Variants in MAPKAP1 observed in about 807,000 individuals in gnomAD.
MAPKAP1 encodes the protein MAPK associated protein 1.
MAPKAP1 carries 20 observed loss-of-function variants against 65.7 expected under a neutral mutation model. That is an observed-to-expected ratio of 0.30 (90% CI 0.21 to 0.44). The LOEUF (loss-of-function observed/expected upper bound fraction) is 0.44, where lower values mean the gene tolerates loss of function less well. Among genes scored for constraint, MAPKAP1 ranks in the 20% least tolerant of loss-of-function variants. The probability of loss-of-function intolerance (pLI) is 1.00; values close to 1 mark genes in which losing one functional copy is unlikely to be tolerated. For synonymous variants in MAPKAP1, 222 were observed against 244.3 expected (o/e 0.91, Z 0.85); for missense variants, 423 against 648.0 (o/e 0.65, Z 3.77).
intron 10 of MAPKAP1, among the ~76,000 whole-genome samples, chr9:125,461,262 G>A (rs980836147): frequency 3.3e-5 from 5 of 152,286 alleles, no homozygotes; most frequent in South Asian, 2.1e-4. Flanking sequence ...CCTCCCACAC[G>A]CTTGGAAAAA....
At position 125,439,357 on chromosome 9, in the gene MAPKAP1, G is replaced by A. The variant is rs1034205946; in HGVS notation, c.1444-345C>T. On this transcript the variant is annotated intron_variant, in intron 11 of 11. Transcript: ENST00000265960. This position sits in a 1 kb window ranked among gnomAD's most constrained non-coding sequence, Gnocchi z 4.0. ...TGCCTGGCTATGCCTCCCACCTGCTGTGTGACCTGGACAAGCACATAACCT... is the reference window on the plus strand; with the variant it reads ...TGCCTGGCTATGCCTCCCACCTGCTATGTGACCTGGACAAGCACATAACCT... Among the ~76,000 whole-genome samples, 11 of 152,254 alleles carry A rather than the reference G, an allele frequency of 7.2e-5. No homozygotes were observed. The highest frequency in any genetic ancestry group is 2.7e-4 in the African/African-American group (11 of 41,476).
intron 5 of MAPKAP1, among the ~76,000 whole-genome samples, chr9:125,566,922 A>G (rs1831073114): frequency 6.6e-6 from 1 of 152,206 alleles, no homozygotes; most frequent in Non-Finnish European, 1.5e-5. Flanking sequence ...AGCCACCTCA[A>G]ACTAACAGGC....
intron 5 of MAPKAP1, among the ~76,000 whole-genome samples, chr9:125,570,921 A>T (rs1337350233): frequency 6.6e-6 from 1 of 151,016 alleles, no homozygotes; most frequent in Non-Finnish European, 1.5e-5. Context: ...CTGCTCTTTC[A>T]TAAAAAAAAA....
chr9:125,568,345 G>A (rs1009156741), intron 5 of MAPKAP1, among the ~76,000 whole-genome samples: 1 of 152,142 alleles, frequency 6.6e-6, no homozygotes, highest in African/African-American at 2.4e-5. Context: ...TGGGATATGA[G>A]GAGTTTTTTC....
At chr9:125,517,306 G>C (rs1829490953) in intron 7 of MAPKAP1, among the ~76,000 whole-genome samples, 1 of 152,134 alleles carries the variant, frequency 6.6e-6, no homozygotes, top group African/African-American at 2.4e-5. Context: ...TGATCTTGAG[G>C]GGGTCAAAAC....
intron 1 of MAPKAP1, among the ~76,000 whole-genome samples, chr9:125,682,959 CTTT>C (rs5900668): frequency 9.5e-5 from 13 of 137,540 alleles, no homozygotes; most frequent in Middle Eastern, 3.7e-3. Context: ...ATTTTAAATT[CTTT>C]TTTTTTTTTT....
chr9:125,532,885 G>C (rs999205944), intron 7 of MAPKAP1, among the ~76,000 whole-genome samples: 2 of 152,186 alleles, frequency 1.3e-5, no homozygotes, highest in Non-Finnish European at 1.5e-5. Context: ...CTAAAAATCT[G>C]TTTTTTAAAC....
intron 10 of MAPKAP1, among the ~76,000 whole-genome samples, chr9:125,444,952 T>C (rs1852649533): frequency 6.6e-6 from 1 of 152,160 alleles, no homozygotes; most frequent in Admixed American, 6.5e-5. Flanking sequence ...AAAAATAAAC[T>C]AACTGTTTAA....
In MAPKAP1 at chr9:125,466,745, G is replaced by A. The variant is rs555308758; in HGVS notation, c.1345+1227C>T. ...TGACAGGAATGGCAGGAAGGGAGTG[G>A]GGTGGCCTTCCTCCTTCCCCTGGGT... On this transcript the variant is annotated intron_variant, in intron 10 of 11. Coordinates refer to ENST00000265960, the MANE Select transcript of MAPKAP1 (RefSeq NM_001006617.3). 2.0e-4 allele frequency among the ~76,000 whole-genome samples: 30 copies of A among 152,214 alleles called. 1 individual carries two copies. The highest frequency in any genetic ancestry group is 6.3e-4 in the African/African-American group (26 of 41,524).
chr9:125,556,005 T>C (rs1433291584), intron 6 of MAPKAP1, among the ~76,000 whole-genome samples: 1 of 152,344 alleles, frequency 6.6e-6, no homozygotes, highest in East Asian at 1.9e-4. Flanking sequence ...AATGGAGTGA[T>C]GGTGAGTATT....
At chr9:125,620,320 TTTTTATTGA>T (rs1001839241) in intron 4 of MAPKAP1, among the ~76,000 whole-genome samples, 26 of 152,296 alleles carry the variant, frequency 1.7e-4, no homozygotes, top group Middle Eastern at 3.4e-3. Flanking sequence ...ACAGATTCAT[TTTTTATTGA>T]TTAGACTGGC....
At chr9:125,640,264 C>T (rs992739400) in intron 4 of MAPKAP1, among the ~76,000 whole-genome samples, 5 of 152,056 alleles carry the variant, frequency 3.3e-5, no homozygotes, top group East Asian at 3.9e-4. Context: ...CCACCACGCC[C>T]GGCTAATTTT....
chr9:125,576,859 C>T (rs1416180872), intron 5 of MAPKAP1, among the ~76,000 whole-genome samples: 10 of 151,842 alleles, frequency 6.6e-5, no homozygotes, highest in Non-Finnish European at 1.3e-4. Flanking sequence ...GGCGTGATCT[C>T]GGCTCGTTAC....
intron 7 of MAPKAP1, among the ~76,000 whole-genome samples, chr9:125,539,121 A>G (rs113316658): frequency 0.014 from 2,204 of 152,358 alleles, 18 homozygotes; most frequent in South Asian, 0.041. Context: ...AAACAGATAT[A>G]GAGTTAGGAG....
intron 5 of MAPKAP1, among the ~76,000 whole-genome samples, chr9:125,571,100 T>C (rs184177777): frequency 6.6e-6 from 1 of 152,338 alleles, no homozygotes; most frequent in African/African-American, 2.4e-5. Flanking sequence ...CATTATCAAA[T>C]GTAAAATGGT....
intron 7 of MAPKAP1, among the ~76,000 whole-genome samples, chr9:125,506,904 CTAATA>C (rs987528183): frequency 9.2e-5 from 14 of 151,938 alleles, no homozygotes; most frequent in African/African-American, 3.4e-4. Context: ...GTGTAGAACT[CTAATA>C]TAATAACAGT....
At chr9:125,652,464 G>A (rs1833922220) in intron 4 of MAPKAP1, among the ~76,000 whole-genome samples, 2 of 152,012 alleles carry the variant, frequency 1.3e-5, no homozygotes, top group African/African-American at 2.4e-5. Context: ...AAAATTAACA[G>A]CCAAGCAATT....
At chr9:125,505,887 T>C (rs1829124927) in intron 8 of MAPKAP1, 1 of 199,776 alleles carries the variant, frequency 5.0e-6, no homozygotes, top group Non-Finnish European at 1.0e-5. Context: ...GTTCTCAACA[T>C]AGCATAAGGA....
chr9:125,687,685 T>C (rs1478749918), intron 1 of MAPKAP1, among the ~76,000 whole-genome samples: 1 of 152,040 alleles, frequency 6.6e-6, no homozygotes. Context: ...CACAGGAGGC[T>C]GAGATGGGAG....
Sources: gnomAD v4.1 joint callset for allele counts (sites outside exome capture counted in the v4.1 genomes callset) on GRCh38, gnomAD v4.1.1 for gene constraint, Gnocchi (gnomAD v3.1) non-coding constraint, MANE v1.5 for transcripts, NCBI Gene and HGNC (gene_info 2026-07-23, HGNC 2026-07-21) for gene names.